The following FAM107B variants were observed in gnomAD, a reference collection of about 807,000 sequenced individuals.
The protein encoded by FAM107B is family with sequence similarity 107 member B.
In FAM107B, 21 loss-of-function variants were observed where a neutral mutation model predicts 31.5. That is an observed-to-expected ratio of 0.67 (90% CI 0.47 to 0.96). FAM107B has a LOEUF of 0.96. Ranked by LOEUF, FAM107B falls within the 40% of genes least tolerant of loss-of-function variation. The probability of loss-of-function intolerance (pLI) is 0.00; values close to 1 mark genes in which losing one functional copy is unlikely to be tolerated. For missense variants in FAM107B, 452 were observed against 377.1 expected (o/e 1.20, Z -1.64); for synonymous variants, 157 against 141.5 (o/e 1.11, Z -0.78).
intron 1 of FAM107B, among the ~76,000 whole-genome samples, chr10:14,678,284 G>A (rs1350856716): frequency 4.6e-5 from 7 of 152,298 alleles, no homozygotes; most frequent in South Asian, 2.1e-4. Context: ...GAGTGGATAC[G>A]TATTATGTTC....
intron 2 of FAM107B, chr10:14,602,998 C>CG (rs781622416): frequency 0.099 from 9,138 of 92,168 alleles, 387 homozygotes; most frequent in Middle Eastern, 0.16. Flanking sequence ...CACCCTCTTT[C>CG]CCACACACAC....
chr10:14,534,207 G>A (rs1033943380), intron 2 of FAM107B, among the ~76,000 whole-genome samples: 1 of 152,142 alleles, frequency 6.6e-6, no homozygotes, highest in Non-Finnish European at 1.5e-5. Context: ...GGTCCCTGCA[G>A]CTCCTCATGC....
At chr10:14,729,562 G>C (rs1349211278) in intron 1 of FAM107B, among the ~76,000 whole-genome samples, 1 of 152,114 alleles carries the variant, frequency 6.6e-6, no homozygotes, top group South Asian at 2.1e-4. Context: ...AGTAAAAAGA[G>C]TCATAGGATC....
At chr10:14,713,015 G>A (rs146998444) in intron 1 of FAM107B, among the ~76,000 whole-genome samples, 2 of 152,190 alleles carry the variant, frequency 1.3e-5, no homozygotes, top group African/African-American at 2.4e-5. Flanking sequence ...GAGCCTTCAG[G>A]GTGACCCTGC....
At chr10:14,623,764 C>T (rs145977193) in intron 2 of FAM107B, among the ~76,000 whole-genome samples, 4 of 152,016 alleles carry the variant, frequency 2.6e-5, no homozygotes, top group Admixed American at 6.6e-5. Context: ...AGGAGGAGGC[C>T]GCAGTGAGCT....
intron 2 of FAM107B, chr10:14,548,380 G>A: frequency 2.0e-6 from 2 of 977,212 alleles, no homozygotes; most frequent in Non-Finnish European, 2.4e-6. Context: ...AGCTCCAGGG[G>A]AGGTACTTGT....
chr10:14,554,213 A>ACACCTCCCC (rs1849506636), intron 2 of FAM107B: 9 of 935,094 alleles, frequency 9.6e-6, no homozygotes, highest in Non-Finnish European at 8.9e-6. Context: ...CTCCACAAAC[A>ACACCTCCCC]CACCTCCCCC....
intron 2 of FAM107B, among the ~76,000 whole-genome samples, chr10:14,632,790 G>A (rs1214990580): frequency 1.3e-5 from 2 of 151,998 alleles, no homozygotes; most frequent in East Asian, 1.9e-4. Flanking sequence ...GTGATTGAGG[G>A]TCCTGACTAG....
chr10:14,642,445 A>G (rs570482975), intron 2 of FAM107B, among the ~76,000 whole-genome samples: 25 of 152,350 alleles, frequency 1.6e-4, no homozygotes, highest in Non-Finnish European at 2.4e-4. Context: ...TTCTGGGAGA[A>G]TAGTGCATGT....
chr10:14,675,372 CT>C (rs1428645424), intron 1 of FAM107B, among the ~76,000 whole-genome samples: 2 of 152,126 alleles, frequency 1.3e-5, no homozygotes, highest in African/African-American at 4.8e-5. Flanking sequence ...CAACTGGTCT[CT>C]GACTTTCCGA....
In FAM107B at chr10:14,535,169, T is replaced by A. The variant is rs192151490; in HGVS notation, c.470-4654A>T. On this transcript the variant is annotated intron_variant, in intron 2 of 4. Coordinates refer to ENST00000181796, the MANE Select transcript of FAM107B (RefSeq NM_031453.4). Reference sequence around the variant, plus strand: ...TCACTTCACTGGTCAAGTAACTTACTCAAAGTAACTTTTTTTAATGTATTA... The same window carrying A: ...TCACTTCACTGGTCAAGTAACTTACACAAAGTAACTTTTTTTAATGTATTA... 2.4e-4 allele frequency among the ~76,000 whole-genome samples: 36 copies of A among 152,302 alleles called. 1 individual carries two copies. In the East Asian group the frequency reaches 4.0e-3, roughly 17 times the overall value.
At chr10:14,633,172 C>A (rs1451269054) in intron 2 of FAM107B, among the ~76,000 whole-genome samples, 2 of 149,330 alleles carry the variant, frequency 1.3e-5, no homozygotes, top group African/African-American at 2.5e-5. Context: ...GCACTCCAGC[C>A]TGGGTGATAG....
intron 2 of FAM107B, among the ~76,000 whole-genome samples, chr10:14,557,293 C>G (rs1360658948): frequency 2.0e-5 from 3 of 152,230 alleles, no homozygotes; most frequent in Non-Finnish European, 4.4e-5. Context: ...TTGTACCTCG[C>G]TGGATCTTCA....
intron 2 of FAM107B, among the ~76,000 whole-genome samples, chr10:14,582,453 G>C (rs944778217): frequency 4.4e-5 from 6 of 134,902 alleles, no homozygotes; most frequent in East Asian, 2.4e-4. Flanking sequence ...CTCTGCTCAC[G>C]GCAACCTCCG....
In FAM107B at chr10:14,521,245, A is replaced by G. The variant is rs902221723; in HGVS notation, c.866T>C (p.Val289Ala). The G allele has an allele frequency of 1.9e-6, 3 of 1,613,974 alleles. No individual in the cohort carries two copies. In the African/African-American group the frequency reaches 4.0e-5, roughly 22 times the overall value. Residue 289 changes from valine to alanine, a missense_variant, in exon 5 of 5, where the codon GTG (valine) becomes GCG (alanine). Coordinates refer to ENST00000181796, the MANE Select transcript of FAM107B (RefSeq NM_031453.4). ...EQENAPEFVK[V>A]KGNLRRTGQE... is the part of the protein sequence containing the mutation. ...GCCTGTTCTCCTGAGATTGCCTTTC[A>G]CCTTCACAAACTCGGGGGCATTTTC...
chr10:14,719,431 C>A (rs948978345), intron 1 of FAM107B, among the ~76,000 whole-genome samples: 1 of 152,034 alleles, frequency 6.6e-6, no homozygotes, highest in Non-Finnish European at 1.5e-5. Flanking sequence ...TCTTGAGAAT[C>A]GAAATGAAAT....
chr10:14,636,393 G>A (rs1853501645), intron 2 of FAM107B, among the ~76,000 whole-genome samples: 1 of 152,002 alleles, frequency 6.6e-6, no homozygotes, highest in East Asian at 1.9e-4. Context: ...CGTTCTGCCT[G>A]TTGTCTACAT....
chr10:14,772,354 A>T (rs1833322858), intron 1 of FAM107B, among the ~76,000 whole-genome samples: 1 of 134,682 alleles, frequency 7.4e-6, no homozygotes, highest in Non-Finnish European at 1.5e-5. Flanking sequence ...ACTCCATCTT[A>T]AAAAAAAAAT....
chr10:14,667,538 A>C, intron 2 of FAM107B, 96 bp downstream of exon 2: 1 of 1,229,916 alleles, frequency 8.1e-7, no homozygotes, highest in Non-Finnish European at 1.2e-6. Context: ...TGGAACATAC[A>C]GGTTTTCCTT....
Sources: allele counts gnomAD v4.1 joint callset (sites outside exome capture counted in the v4.1 genomes callset), GRCh38; gene constraint gnomAD v4.1.1; transcripts MANE v1.5; gene names NCBI Gene and HGNC (gene_info 2026-07-23, HGNC 2026-07-21).